Variants in MFHAS1 observed in about 807,000 individuals in gnomAD.
MFHAS1 encodes multifunctional ROCO family signaling regulator 1, also known as malignant fibrous histiocytoma-amplified sequence 1.
MFHAS1 carries 50 observed loss-of-function variants against 70.4 expected under a neutral mutation model. The ratio of observed to expected loss-of-function variants is 0.71; its 90% CI spans 0.57 to 0.90. The LOEUF is 0.90. MFHAS1 is among the 40% of genes least tolerant of loss of function. MFHAS1 has a pLI of 0.00. For synonymous variants in MFHAS1, 952 were observed against 620.0 expected, an observed-to-expected ratio of 1.54 and a Z score of -7.96; for missense variants, 1,795 against 1,347.6, an observed-to-expected ratio of 1.33 and a Z score of -5.20.
chr8:8,808,416 C>T (rs1806416309), intron 1 of MFHAS1, among the ~76,000 whole-genome samples: 1 of 152,238 alleles, frequency 6.6e-6, no homozygotes, highest in South Asian at 2.1e-4. Flanking sequence ...CAAAGTGTTG[C>T]AGTGCTTAAT....
At position 8,893,551 on chromosome 8, in the gene MFHAS1, C is replaced by G. The variant is rs1216152732; in HGVS notation, c.-493G>C. 2.7e-5 allele frequency: 4 copies of G among 146,464 alleles called. No individual in the cohort carries two copies. The allele number at this position is 146,464 out of a possible 1,614,324, so 9.1% of individuals were successfully genotyped here. A position where few individuals can be genotyped will look rare whatever the true frequency, so the allele number is the denominator to read the frequency against. On this transcript the variant is annotated 5_prime_UTR_variant, in exon 1 of 3. Coordinates refer to ENST00000276282, the MANE Select transcript of MFHAS1 (RefSeq NM_004225.3). Reference sequence around the variant, plus strand: ...CGCGGGGAGGGGGCGGCGGCGCCTCCTTGTCTCCGTTTCCCCGGGCTCGGG... The same window carrying G: ...CGCGGGGAGGGGGCGGCGGCGCCTCGTTGTCTCCGTTTCCCCGGGCTCGGG...
At chr8:8,881,750 C>T (rs1439109215) in intron 1 of MFHAS1, among the ~76,000 whole-genome samples, 1 of 149,480 alleles carries the variant, frequency 6.7e-6, no homozygotes, top group African/African-American at 2.5e-5. Context: ...AGGAGAATCA[C>T]TTGAACTTAG....
At chr8:8,816,104 C>A (rs891856309) in intron 1 of MFHAS1, among the ~76,000 whole-genome samples, 3 of 152,088 alleles carry the variant, frequency 2.0e-5, no homozygotes, top group African/African-American at 7.2e-5. Flanking sequence ...CTAGACAATG[C>A]AAGCTAAGCT....
intron 1 of MFHAS1, among the ~76,000 whole-genome samples, chr8:8,857,761 A>C (rs1808499189): frequency 6.6e-6 from 1 of 151,144 alleles, no homozygotes; most frequent in Admixed American, 6.6e-5. Context: ...CTCCGTCTCA[A>C]AAAAAAAACA....
chr8:8,891,792 T>A lies in MFHAS1; in HGVS notation c.1267A>T (p.Thr423Ser). ...TCGGTGAGGCAGTGGCGCAGCAAAG[T>A]CTTTCCTGCAGCCTTATGCCCCATC... ...LLMGHKAAGKTLLRHCLTEER... is the reference protein window; with the variant it reads ...LLMGHKAAGKSLLRHCLTEER... Residue 423 changes from threonine to serine, a missense_variant, in exon 1 of 3, where the codon ACT (threonine) becomes TCT (serine). Physicochemically the swap from Thr to Ser is moderately conservative, Grantham distance 58. Transcript: ENST00000276282. This position sits in a 1 kb window ranked among gnomAD's most constrained non-coding sequence, Gnocchi z 5.4. The A allele has an allele frequency of 6.2e-7, 1 of 1,613,266 alleles. No individual in the cohort carries two copies. Among genetic ancestry groups the A allele is most frequent in the Non-Finnish European group, 8.5e-7 (1 of 1,180,004 alleles).
rs145250762 is a variant in MFHAS1 at position 8,849,064 on chromosome 8, C to CTTTT, written c.2998+40993_2998+40996dup. Among the ~76,000 whole-genome samples the CTTTT allele has an allele frequency of 4.4e-3, 333 of 75,806 alleles. 25 individuals carry two copies. The highest frequency in any genetic ancestry group is 6.2e-3 in the Non-Finnish European group (256 of 41,544). The allele number at this position is 75,806 out of a possible 152,430, so 49.7% of individuals were successfully genotyped here. On this transcript the variant is annotated intron_variant, in intron 1 of 2. Transcript: ENST00000276282. ...TCTGCAGCAATTAATTCCTTTTTAC[C>CTTTT]TTTTTTTTTTTTTTTTTTTTTTTTT...
At chr8:8,831,156 G>C (rs935852764) in intron 1 of MFHAS1, among the ~76,000 whole-genome samples, 26 of 151,794 alleles carry the variant, frequency 1.7e-4, no homozygotes, top group African/African-American at 5.8e-4. Context: ...GCTCTCGGGG[G>C]TCTCTTCCAA....
chr8:8,858,850 A>C (rs1808553306), intron 1 of MFHAS1, among the ~76,000 whole-genome samples: 1 of 152,204 alleles, frequency 6.6e-6, no homozygotes, highest in Admixed American at 6.5e-5. Context: ...AAATAAACAA[A>C]GTGAAAATAT....
At chr8:8,867,870 C>A (rs1391687959) in intron 1 of MFHAS1, among the ~76,000 whole-genome samples, 2 of 152,056 alleles carry the variant, frequency 1.3e-5, no homozygotes, top group Non-Finnish European at 2.9e-5. Context: ...AATTGCTATA[C>A]TTTTTTAGTA....
chr8:8,841,157 T>C (rs1807806550), intron 1 of MFHAS1, among the ~76,000 whole-genome samples: 1 of 152,190 alleles, frequency 6.6e-6, no homozygotes, highest in Non-Finnish European at 1.5e-5. Context: ...GTGCTAAAAA[T>C]ACCGATGGCG....
chr8:8,830,751 C>T (rs1807355753), intron 1 of MFHAS1, among the ~76,000 whole-genome samples: 1 of 152,154 alleles, frequency 6.6e-6, no homozygotes, highest in Non-Finnish European at 1.5e-5. Flanking sequence ...TACAGCACCA[C>T]CATGCCCGGC....
chr8:8,858,837 T>G (rs970213347), intron 1 of MFHAS1, among the ~76,000 whole-genome samples: 1 of 151,936 alleles, frequency 6.6e-6, no homozygotes, highest in African/African-American at 2.4e-5. Context: ...CAGACCAAAA[T>G]AGAAATAAAC....
Position 8,891,892 on chromosome 8 carries a change from G to T in MFHAS1, c.1167C>A (p.Ile389=), listed in dbSNP as rs1264087900. The change falls in exon 1 of 3, where the codon ATC becomes ATA. Residue 389 remains isoleucine (I), a synonymous_variant. Transcript: ENST00000276282. This position sits in a 1 kb window ranked among gnomAD's most constrained non-coding sequence, Gnocchi z 5.4. ...CCTTCTGGTAGGCTGCGATGTAGGGGATCCCCTTCATGCAGACCTCGTAGG... is the reference window on the plus strand; with the variant it reads ...CCTTCTGGTAGGCTGCGATGTAGGGTATCCCCTTCATGCAGACCTCGTAGG... The part of the protein sequence containing the change: ...QPPYEVCMKG[I]PYIAAYQKEL... 1 of 1,611,388 alleles carries T rather than the reference G, an allele frequency of 6.2e-7. No homozygotes were observed. The highest frequency in any genetic ancestry group is 1.7e-5 in the Admixed American group (1 of 59,906).
intron 1 of MFHAS1, among the ~76,000 whole-genome samples, chr8:8,855,552 A>G (rs1281378383): frequency 1.3e-5 from 2 of 152,210 alleles, no homozygotes; most frequent in Non-Finnish European, 2.9e-5. Flanking sequence ...ATCCTGATTC[A>G]TGAACTCGCT....
At chr8:8,812,954 A>C (rs1806605092) in intron 1 of MFHAS1, among the ~76,000 whole-genome samples, 2 of 152,092 alleles carry the variant, frequency 1.3e-5, no homozygotes, top group African/African-American at 4.8e-5. Flanking sequence ...TTTAGTAGGG[A>C]CGGGGTTTCA....
chr8:8,792,357 T>G (rs928275034), intron 2 of MFHAS1, among the ~76,000 whole-genome samples: 3 of 152,028 alleles, frequency 2.0e-5, no homozygotes, highest in African/African-American at 7.3e-5. Context: ...TCCTAGCACT[T>G]TGGGAGGCCA....
At chr8:8,802,191 T>C (rs1379754946) in intron 1 of MFHAS1, among the ~76,000 whole-genome samples, 5 of 152,164 alleles carry the variant, frequency 3.3e-5, no homozygotes, top group African/African-American at 4.8e-5. Context: ...CCTCATTATA[T>C]ACAGAAGAGG....
chr8:8,792,946 C>T (rs10110711), intron 2 of MFHAS1, among the ~76,000 whole-genome samples: 47,627 of 152,026 alleles, frequency 0.31, 8,508 homozygotes, highest in African/African-American at 0.47. Flanking sequence ...TGCAGATATC[C>T]TTGAAAATCA....
intron 1 of MFHAS1, among the ~76,000 whole-genome samples, chr8:8,830,147 G>C (rs1182825939): frequency 2.0e-5 from 3 of 152,148 alleles, no homozygotes. Context: ...ACATATATGA[G>C]GTGGCCCCAC....
Sources: allele counts gnomAD v4.1 joint callset (sites outside exome capture counted in the v4.1 genomes callset), GRCh38; gene constraint gnomAD v4.1.1; non-coding constraint Gnocchi (gnomAD v3.1); transcripts MANE v1.5; gene names NCBI Gene and HGNC (gene_info 2026-07-23, HGNC 2026-07-21).